Variants in PTPRN2 observed in about 807,000 individuals in gnomAD.
PTPRN2 encodes the protein receptor-type tyrosine-protein phosphatase N2.
PTPRN2 carries 74 observed loss-of-function variants against 118.8 expected under a neutral mutation model. The observed-to-expected ratio is 0.62, with a 90% confidence interval of 0.52 to 0.76. The LOEUF is 0.76. Ranked by LOEUF, PTPRN2 falls within the 30% of genes least tolerant of loss-of-function variation. PTPRN2 has a pLI of 0.00. For synonymous variants in PTPRN2, 641 were observed against 608.0 expected (o/e 1.05, Z -0.80); for missense variants, 1,481 against 1,394.4 (o/e 1.06, Z -0.99).
chr7:157,966,772 G>T (rs1362396179), intron 11 of PTPRN2, among the ~76,000 whole-genome samples: 1 of 140,944 alleles, frequency 7.1e-6, no homozygotes, highest in African/African-American at 2.7e-5. Flanking sequence ...CCATCACAAT[G>T]ATCACTATCA....
intron 11 of PTPRN2, among the ~76,000 whole-genome samples, chr7:157,959,387 A>G (rs541399673): frequency 6.6e-6 from 1 of 152,330 alleles, no homozygotes; most frequent in South Asian, 2.1e-4. Flanking sequence ...CAAAATTAAA[A>G]CCTTCTGTGT....
chr7:158,333,586 C>T lies in PTPRN2; in HGVS notation c.164-16654G>A, dbSNP rs1001046658. Among the ~76,000 whole-genome samples the T allele has an allele frequency of 6.7e-5, 10 of 149,610 alleles. No homozygotes were observed. In the South Asian group the frequency reaches 1.3e-3, roughly 19 times the overall value. On this transcript the variant is annotated intron_variant, in intron 2 of 22. Transcript: ENST00000389418. ...CACCATAAGAGCTGATGCCGGCACACGTCACACACACCCACACTCTCACTA... is the reference window on the plus strand; with the variant it reads ...CACCATAAGAGCTGATGCCGGCACATGTCACACACACCCACACTCTCACTA...
At chr7:158,577,180 C>T (rs1828378344) in intron 1 of PTPRN2, among the ~76,000 whole-genome samples, 2 of 124,042 alleles carry the variant, frequency 1.6e-5, no homozygotes, top group Admixed American at 1.5e-4. Context: ...GGGCTCCCCA[C>T]CCTGCCTGAT....
intron 11 of PTPRN2, among the ~76,000 whole-genome samples, chr7:157,949,920 T>C (rs1268527440): frequency 6.6e-6 from 1 of 152,206 alleles, no homozygotes; most frequent in East Asian, 1.9e-4. Flanking sequence ...TCAGGCTTCT[T>C]TAAGCCTCCA....
chr7:158,292,786 G>T (rs972040032), intron 3 of PTPRN2, among the ~76,000 whole-genome samples: 2 of 152,202 alleles, frequency 1.3e-5, no homozygotes, highest in African/African-American at 4.8e-5. Context: ...GATAAAAATG[G>T]GCCGGGCATG....
chr7:158,489,861 C>T (rs1385487582), intron 1 of PTPRN2, 76 bp from the exon 2 acceptor site: 1 of 1,380,812 alleles, frequency 7.2e-7, no homozygotes, highest in Non-Finnish European at 1.0e-6. Flanking sequence ...CTTCCTGGCC[C>T]CCTGGTGAAT....
chr7:157,743,829 T>G (rs1446712042), intron 12 of PTPRN2, among the ~76,000 whole-genome samples: 1 of 152,224 alleles, frequency 6.6e-6, no homozygotes, highest in Non-Finnish European at 1.5e-5. Flanking sequence ...GGCAAGGCCG[T>G]GGCTGGGATA....
At chr7:158,465,441 G>T (rs533636291) in intron 2 of PTPRN2, among the ~76,000 whole-genome samples, 1 of 152,308 alleles carries the variant, frequency 6.6e-6, no homozygotes, top group Non-Finnish European at 1.5e-5. Context: ...AGAAGCTCAT[G>T]AGGGCATTTT....
At chr7:157,631,771 G>A (rs1803968125) in intron 14 of PTPRN2, among the ~76,000 whole-genome samples, 1 of 151,670 alleles carries the variant, frequency 6.6e-6, no homozygotes. Context: ...GGCGGAGCTT[G>A]CAGTGAGCCG....
chr7:158,071,352 G>C (rs1440676812), intron 11 of PTPRN2, among the ~76,000 whole-genome samples: 3 of 109,714 alleles, frequency 2.7e-5, no homozygotes, highest in South Asian at 3.3e-4. Context: ...GGTGCTCGTG[G>C]TGGTGGAGGT....
chr7:158,021,479 C>T (rs73169782), intron 11 of PTPRN2, among the ~76,000 whole-genome samples: 7,470 of 152,194 alleles, frequency 0.049, 237 homozygotes, highest in Admixed American at 0.087. Flanking sequence ...CCCACGCACA[C>T]GCACACACAC....
At chr7:157,758,424 C>A (rs1347129173) in intron 12 of PTPRN2, among the ~76,000 whole-genome samples, 1 of 151,868 alleles carries the variant, frequency 6.6e-6, no homozygotes, top group Admixed American at 6.5e-5. Context: ...TGGCACGAGG[C>A]CACACAGCTG....
chr7:158,131,946 CAT>C (rs1216040298), intron 9 of PTPRN2, among the ~76,000 whole-genome samples: 2 of 152,146 alleles, frequency 1.3e-5, no homozygotes, highest in East Asian at 3.9e-4. Flanking sequence ...CATACACACA[CAT>C]GCAAATACGC....
chr7:158,277,321 A>G (rs924867587), intron 3 of PTPRN2, among the ~76,000 whole-genome samples: 4 of 152,160 alleles, frequency 2.6e-5, no homozygotes, highest in African/African-American at 7.2e-5. Flanking sequence ...CTCAGCCACA[A>G]CGGGCAGTCA....
intron 11 of PTPRN2, among the ~76,000 whole-genome samples, chr7:158,071,098 G>C (rs1401760452): frequency 5.8e-5 from 6 of 103,712 alleles, no homozygotes; most frequent in African/African-American, 2.6e-4. Flanking sequence ...TGGTGGTGGA[G>C]GTGCTCGTGG....
chr7:158,351,436 A>G (rs1338528060), intron 2 of PTPRN2, among the ~76,000 whole-genome samples: 2 of 152,146 alleles, frequency 1.3e-5, no homozygotes, highest in African/African-American at 4.8e-5. Context: ...CGACTCGTAC[A>G]CTGTACCTGC....
intron 2 of PTPRN2, among the ~76,000 whole-genome samples, chr7:158,473,011 C>T (rs377304013): frequency 0.7 from 105,886 of 151,984 alleles, 37,078 homozygotes; most frequent in Admixed American, 0.78. Flanking sequence ...GTTTTACCCA[C>T]GCACCGAAAG....
At position 157,974,160 on chromosome 7, in the gene PTPRN2, C is replaced by T. The variant is rs533971487; in HGVS notation, c.1724-75423G>A. On this transcript the variant is annotated intron_variant, in intron 11 of 22. Coordinates refer to ENST00000389418, the MANE Select transcript of PTPRN2 (RefSeq NM_002847.5). The surrounding 1 kb of genome is among the most constrained non-coding windows in gnomAD (Gnocchi z 4.0). ...GCACAGGTCATGAGCGCCGGCCCTG[C>T]GGATCCGGCGATGATCATTGTGGAA... 1.1e-4 allele frequency among the ~76,000 whole-genome samples: 16 copies of T among 152,328 alleles called. No individual in the cohort carries two copies. Among genetic ancestry groups the T allele is most frequent in the East Asian group, 3.9e-4 (2 of 5,182 alleles).
At chr7:158,558,466 G>A (rs534881548) in intron 1 of PTPRN2, among the ~76,000 whole-genome samples, 20 of 152,170 alleles carry the variant, frequency 1.3e-4, no homozygotes, top group Admixed American at 1.0e-3. Context: ...GCCCCAGGGG[G>A]TGCTGAGCAG....
Sources: allele counts gnomAD v4.1 joint callset (sites outside exome capture counted in the v4.1 genomes callset), GRCh38; gene constraint gnomAD v4.1.1; non-coding constraint Gnocchi (gnomAD v3.1); transcripts MANE v1.5; gene names NCBI Gene and HGNC (gene_info 2026-07-23, HGNC 2026-07-21).